Variants in ANKRD36B observed in about 807,000 individuals in gnomAD.
ANKRD36B encodes the protein ankyrin repeat domain-containing protein 36B.
Under a neutral mutation model 135.7 loss-of-function variants are expected in ANKRD36B, and 37 were observed. The ratio of observed to expected loss-of-function variants is 0.27; its 90% confidence interval spans 0.21 to 0.36. The LOEUF (loss-of-function observed/expected upper bound fraction) is 0.36. ANKRD36B is among the 10% of genes least tolerant of loss of function. ANKRD36B has a pLI of 1.00. For missense variants in ANKRD36B, 549 were observed against 1,037.1 expected (o/e 0.53, Z 6.46); for synonymous variants, 179 against 348.1 (o/e 0.51, Z 5.41).
At chr2:97,574,350 C>T (rs981326512) in intron 6 of ANKRD36B, among the ~76,000 whole-genome samples, 33 of 152,188 alleles carry the variant, frequency 2.2e-4, no homozygotes, top group African/African-American at 7.7e-4. Flanking sequence ...TACCATCTCA[C>T]ACCAGTTAGA....
chr2:97,562,016 A>T (rs920399631), intron 6 of ANKRD36B, among the ~76,000 whole-genome samples: 1 of 146,236 alleles, frequency 6.8e-6, no homozygotes, highest in Non-Finnish European at 1.5e-5. Context: ...TTAATCTAAG[A>T]GTTATAATTT....
rs1352081362 is a variant in ANKRD36B at position 97,525,041 on chromosome 2, A to T, written c.2266-1574T>A. The T allele has an allele frequency of 3.1e-5, 3 of 97,788 alleles. 1 individual carries two copies. The highest frequency in any genetic ancestry group is 2.7e-4 in the Admixed American group (3 of 11,064). The allele number at this position is 97,788 out of a possible 1,614,324, so 6.1% of individuals were successfully genotyped here. A position where few individuals can be genotyped will look rare whatever the true frequency, so the allele number is the denominator to read the frequency against. ...TCAAGTGTAAAAAGAGAAAAATTTT[A>T]AAATAATTAAAGTTTAATATCAAAC... On this transcript the variant is annotated intron_variant, in intron 35 of 43. Coordinates refer to ENST00000359901, the MANE Select transcript of ANKRD36B (RefSeq NM_001393939.1).
At position 97,540,982 on chromosome 2, in the gene ANKRD36B, T is replaced by A. The variant is rs1314129202; in HGVS notation, c.1886-753A>T. 1.1e-4 allele frequency among the ~76,000 whole-genome samples: 11 copies of A among 96,486 alleles called. 2 individuals carry two copies. In the East Asian group the frequency reaches 2.5e-3, roughly 22 times the overall value. The allele number at this position is 96,486 out of a possible 152,430, so 63.3% of individuals were successfully genotyped here. A position where few individuals can be genotyped will look rare whatever the true frequency, so the allele number is the denominator to read the frequency against. ...AAGTAAAACTGCTACAAGCGTTAGA[T>A]ATTAATATGTTTTACATTCACAAAT... On this transcript the variant is annotated intron_variant, in intron 28 of 43. Transcript: ENST00000359901.
At chr2:97,582,568 G>A (rs1428355743) in intron 3 of ANKRD36B, among the ~76,000 whole-genome samples, 1 of 152,152 alleles carries the variant, frequency 6.6e-6, no homozygotes, top group Admixed American at 6.5e-5. Context: ...TTCTTGAAGA[G>A]AAGCTTGGAA....
chr2:97,570,827 AAC>A (rs1156747895), intron 6 of ANKRD36B, among the ~76,000 whole-genome samples: 2 of 152,218 alleles, frequency 1.3e-5, no homozygotes, highest in African/African-American at 4.8e-5. Context: ...TGAATCACCA[AAC>A]ACAGAGGTGG....
intron 6 of ANKRD36B, among the ~76,000 whole-genome samples, chr2:97,570,007 A>G (rs2081733118): frequency 6.6e-6 from 1 of 152,196 alleles, no homozygotes; most frequent in Admixed American, 6.5e-5. Flanking sequence ...TTAAAATGAA[A>G]CAAATTTTTT....
At position 97,536,477 on chromosome 2, in the gene ANKRD36B, G is replaced by A. The variant is rs777665755; in HGVS notation, c.2109C>T (p.Arg703=). ...ATGTAAGAGTAATTACCTTCAAGGT[G>A]CGCAGATTCTCAGGATACTCTAACA... ...KSGTEYPENL[R]TLKATIENKD... Residue 703 remains arginine, a synonymous_variant, in exon 33 of 44, where the codon CGC becomes CGT. Transcript: ENST00000359901. The A allele has an allele frequency of 2.8e-5, 25 of 906,430 alleles. 3 individuals are homozygous for A. The highest frequency in any genetic ancestry group is 2.5e-4 in the South Asian group (20 of 78,644). The allele number at this position is 906,430 out of a possible 1,614,324, so 56.1% of individuals were successfully genotyped here.
chr2:97,559,275 G>A (rs373560214), intron 8 of ANKRD36B, among the ~76,000 whole-genome samples: 5 of 151,796 alleles, frequency 3.3e-5, no homozygotes, highest in East Asian at 1.9e-4. Flanking sequence ...TGGATATGCC[G>A]AGTGATGAGG....
intron 6 of ANKRD36B, among the ~76,000 whole-genome samples, chr2:97,573,050 C>T (rs34346928): frequency 1.3e-5 from 2 of 151,832 alleles, no homozygotes; most frequent in African/African-American, 2.4e-5. Flanking sequence ...TCTCCTAATG[C>T]TATCCCTCCC....
rs1181512007 is a variant in ANKRD36B, at chr2:97,539,787, C to A, written c.1987+247G>T. The A allele has an allele frequency of 8.5e-6, 2 of 235,898 alleles. 1 individual carries two copies. The highest frequency in any genetic ancestry group is 5.3e-5 in the African/African-American group (2 of 37,484). 14.6% of individuals were successfully genotyped at this position (235,898 alleles called of 1,614,324 possible). ...ATGCTGTCCCCTGAGCCCCTTATGT[C>A]TTGACATGGTCTCCAATGTTTCTTC... On this transcript the variant is annotated intron_variant, in intron 30 of 43. Coordinates refer to ENST00000359901, the MANE Select transcript of ANKRD36B (RefSeq NM_001393939.1).
chr2:97,574,404 G>A (rs913903166), intron 6 of ANKRD36B, among the ~76,000 whole-genome samples: 2 of 152,170 alleles, frequency 1.3e-5, no homozygotes, highest in African/African-American at 4.8e-5. Flanking sequence ...TGCTGGAGAG[G>A]ATGTGGAGAA....
At chr2:97,556,562 C>T (rs1265919875) in intron 12 of ANKRD36B, among the ~76,000 whole-genome samples, 1 of 151,860 alleles carries the variant, frequency 6.6e-6, no homozygotes, top group African/African-American at 2.4e-5. Flanking sequence ...ACAACTTCCT[C>T]CCTCTGGTTT....
chr2:97,496,826 T>C (rs1157771973), intron 43 of ANKRD36B, among the ~76,000 whole-genome samples: 1 of 55,040 alleles, frequency 1.8e-5, no homozygotes, highest in African/African-American at 8.9e-5. Context: ...TATGTATATA[T>C]GTGTGTGTAT....
At position 97,585,314 on chromosome 2, in the gene ANKRD36B, G is replaced by T. The variant is rs976186853; in HGVS notation, c.246C>A (p.Cys82Ter). ...TCAGAGGTGTCCTGTCTTCACGGTC[G>T]CAGAGGTTAAGCTCACATCTTCTGG... ...LVSRRCELNL[C>*]DREDRTPLIK... The change falls in exon 2 of 44, where the codon TGC becomes TGA. Residue 82 changes from cysteine (C) to a stop codon, truncating the protein, a stop_gained. Coordinates refer to ENST00000359901, the MANE Select transcript of ANKRD36B (RefSeq NM_001393939.1). LOFTEE classifies it high-confidence loss of function. The T allele has an allele frequency of 1.3e-6, 2 of 1,575,330 alleles. No homozygotes were observed. Among genetic ancestry groups the T allele is most frequent in the Admixed American group, 3.7e-5 (2 of 54,764 alleles).
In ANKRD36B at chr2:97,554,939, T is replaced by A. The variant is rs557855857; in HGVS notation, c.1171+121A>T. 3 of 1,293,180 alleles carry A rather than the reference T, an allele frequency of 2.3e-6. No homozygotes were observed. In the South Asian group the frequency reaches 3.9e-5, roughly 17 times the overall value. 80.1% of individuals were successfully genotyped at this position (1,293,180 alleles called of 1,614,324 possible). On this transcript the variant is annotated intron_variant, in intron 14 of 43. Coordinates refer to ENST00000359901, the MANE Select transcript of ANKRD36B (RefSeq NM_001393939.1). ...CCGAGAACTTATTACAGATGAAGAATCTCTGGCCTGCTGAATCAGAATGTG... is the reference window on the plus strand; with the variant it reads ...CCGAGAACTTATTACAGATGAAGAAACTCTGGCCTGCTGAATCAGAATGTG...
At chr2:97,526,605 T>C (rs1355854291) in intron 35 of ANKRD36B, among the ~76,000 whole-genome samples, 1 of 97,064 alleles carries the variant, frequency 1.0e-5, no homozygotes, top group African/African-American at 3.1e-5. Context: ...CAAACTACTC[T>C]GAGCTACAGG....
chr2:97,556,453 C>A (rs2080530288), intron 12 of ANKRD36B, among the ~76,000 whole-genome samples: 1 of 151,826 alleles, frequency 6.6e-6, no homozygotes, highest in South Asian at 2.1e-4. Flanking sequence ...TTCTTCCTTC[C>A]CCTCTTTCTT....
At chr2:97,561,765 T>A (rs2081045242) in intron 6 of ANKRD36B, among the ~76,000 whole-genome samples, 1 of 151,922 alleles carries the variant, frequency 6.6e-6, no homozygotes, top group Non-Finnish European at 1.5e-5. Context: ...AAGTTGCTAT[T>A]TTATCCAATA....
At chr2:97,567,573 A>G (rs978583643) in intron 6 of ANKRD36B, among the ~76,000 whole-genome samples, 2 of 152,112 alleles carry the variant, frequency 1.3e-5, no homozygotes, top group African/African-American at 4.8e-5. Flanking sequence ...GACCAAATAT[A>G]TATTTCATAA....
Sources: allele counts gnomAD v4.1 joint callset (sites outside exome capture counted in the v4.1 genomes callset), GRCh38; gene constraint gnomAD v4.1.1; transcripts MANE v1.5; gene names NCBI Gene and HGNC (gene_info 2026-07-23, HGNC 2026-07-21).